Variants in NDUFA12 observed in about 807,000 individuals in gnomAD.
NDUFA12 encodes NADH dehydrogenase [ubiquinone] 1 alpha subcomplex subunit 12.
Under a neutral mutation model 20.3 loss-of-function variants are expected in NDUFA12, and 17 were observed. The ratio of observed to expected loss-of-function variants is 0.84; its 90% CI spans 0.57 to 1.26. The LOEUF (loss-of-function observed/expected upper bound fraction) is 1.26, where lower values mean the gene tolerates loss of function less well. Among genes scored for constraint, NDUFA12 ranks in the 50% most tolerant of loss-of-function variants. The pLI is 0.00. For missense variants in NDUFA12, 191 were observed against 183.7 expected (o/e 1.04, Z -0.23); for synonymous variants, 72 against 63.6 (o/e 1.13, Z -0.63).
intron 3 of NDUFA12, among the ~76,000 whole-genome samples, chr12:94,973,840 G>C (rs985956425): frequency 6.6e-6 from 1 of 151,824 alleles, no homozygotes; most frequent in Non-Finnish European, 1.5e-5. Flanking sequence ...TAAGAAATAA[G>C]GAAATGTTTA....
At chr12:94,973,120 T>C (rs1873946051) in intron 3 of NDUFA12, among the ~76,000 whole-genome samples, 1 of 152,138 alleles carries the variant, frequency 6.6e-6, no homozygotes, top group Non-Finnish European at 1.5e-5. Flanking sequence ...AGAAAAAATT[T>C]TTGTTGCTAT....
At position 94,971,639 on chromosome 12, in the gene NDUFA12, C is replaced by A. The variant is rs1396625602; in HGVS notation, c.258-19G>T. 3 of 1,614,018 alleles carry A rather than the reference C, an allele frequency of 1.9e-6. No individual in the cohort carries two copies. Among genetic ancestry groups the A allele is most frequent in the African/African-American group, 1.3e-5 (1 of 75,026 alleles). ...ACGATGCCTTAAAGAGGGGAAAAAA[C>A]CCAAACAGTTATGAAGAGGCAGTAC... is the stretch of plus-strand genomic sequence containing the variant. On this transcript the variant is annotated intron_variant, in intron 3 of 3. Transcript: ENST00000327772.
intron 3 of NDUFA12, among the ~76,000 whole-genome samples, chr12:94,993,653 A>G (rs1254694850): frequency 8.1e-5 from 9 of 111,616 alleles, no homozygotes; most frequent in Admixed American, 3.7e-4. Flanking sequence ...AAAAAAAAAA[A>G]GCCAGGCACG....
intron 3 of NDUFA12, among the ~76,000 whole-genome samples, chr12:94,992,632 A>C (rs539129178): frequency 6.6e-6 from 1 of 152,356 alleles, no homozygotes; most frequent in Admixed American, 6.5e-5. Context: ...AAGTTAGATA[A>C]GGCAATATGG....
At chr12:94,982,201 C>T (rs920335220) in intron 3 of NDUFA12, among the ~76,000 whole-genome samples, 2 of 152,160 alleles carry the variant, frequency 1.3e-5, no homozygotes, top group Non-Finnish European at 2.9e-5. Context: ...TGTTCCTCTC[C>T]CTGGGAGTCT....
At chr12:94,987,378 G>A (rs553688359) in intron 3 of NDUFA12, among the ~76,000 whole-genome samples, 1 of 152,214 alleles carries the variant, frequency 6.6e-6, no homozygotes, top group Non-Finnish European at 1.5e-5. Flanking sequence ...TGAAATGTGT[G>A]ATTGGATCTC....
At chr12:94,989,252 G>C (rs1405337402) in intron 3 of NDUFA12, among the ~76,000 whole-genome samples, 1 of 152,038 alleles carries the variant, frequency 6.6e-6, no homozygotes, top group Non-Finnish European at 1.5e-5. Flanking sequence ...TTATATAAAG[G>C]ATGTTTTTCT....
chr12:94,982,564 G>A (rs980921729), intron 3 of NDUFA12, among the ~76,000 whole-genome samples: 1 of 152,048 alleles, frequency 6.6e-6, no homozygotes, highest in Non-Finnish European at 1.5e-5. Context: ...CACCACGCCC[G>A]GCCCAGAAGC....
At chr12:94,984,135 T>C (rs1288077235) in intron 3 of NDUFA12, among the ~76,000 whole-genome samples, 1 of 152,076 alleles carries the variant, frequency 6.6e-6, no homozygotes, top group African/African-American at 2.4e-5. Context: ...AAACCAGCTA[T>C]AAATGTGGAA....
At chr12:94,979,656 C>A (rs1874173691) in intron 3 of NDUFA12, among the ~76,000 whole-genome samples, 1 of 140,510 alleles carries the variant, frequency 7.1e-6, no homozygotes, top group Non-Finnish European at 1.6e-5. Flanking sequence ...CATGGAGAAA[C>A]CCCACCCCTA....
intron 3 of NDUFA12, among the ~76,000 whole-genome samples, chr12:94,979,119 A>G (rs142843793): frequency 2.0e-5 from 3 of 152,268 alleles, no homozygotes; most frequent in East Asian, 3.9e-4. Context: ...TCCCAGCTAC[A>G]TGGGAGGCTG....
chr12:94,982,821 G>A (rs574693933), intron 3 of NDUFA12, among the ~76,000 whole-genome samples: 1 of 152,076 alleles, frequency 6.6e-6, no homozygotes, highest in Non-Finnish European at 1.5e-5. Flanking sequence ...ATCAGAGGTC[G>A]ATTTTATATT....
At chr12:94,988,599 G>C (rs1009016095) in intron 3 of NDUFA12, among the ~76,000 whole-genome samples, 17 of 152,178 alleles carry the variant, frequency 1.1e-4, no homozygotes, top group East Asian at 1.9e-4. Flanking sequence ...CTCAGGCCCA[G>C]TCCCAAGCTT....
chr12:95,002,924 G>C (rs1875111033), intron 1 of NDUFA12, 103 bp from the exon 2 acceptor site: 1 of 915,816 alleles, frequency 1.1e-6, no homozygotes, highest in African/African-American at 1.6e-5. Context: ...AAGGGCTGCT[G>C]CATCAACTAG....
chr12:94,976,827 T>C (rs555971242), intron 3 of NDUFA12, among the ~76,000 whole-genome samples: 2 of 152,352 alleles, frequency 1.3e-5, no homozygotes, highest in South Asian at 4.1e-4. Context: ...CCAAGAGTAA[T>C]ACATAGTTTA....
intron 3 of NDUFA12, among the ~76,000 whole-genome samples, chr12:94,993,708 A>T (rs1361694216): frequency 2.3e-5 from 3 of 129,576 alleles, no homozygotes; most frequent in African/African-American, 5.8e-5. Flanking sequence ...GCCGAGGTGG[A>T]TGGATCACCT....
chr12:94,985,809 G>T (rs1379423913), intron 3 of NDUFA12, among the ~76,000 whole-genome samples: 1 of 151,886 alleles, frequency 6.6e-6, no homozygotes, highest in Non-Finnish European at 1.5e-5. Context: ...AATAGGCCAG[G>T]CACAGTGGCT....
At chr12:94,983,885 C>G (rs527298729) in intron 3 of NDUFA12, among the ~76,000 whole-genome samples, 1 of 34,900 alleles carries the variant, frequency 2.9e-5, no homozygotes, top group Admixed American at 3.9e-4. Context: ...TAAGTGGGCC[C>G]GAGGAATGTA....
At chr12:94,992,814 G>C (rs933721461) in intron 3 of NDUFA12, among the ~76,000 whole-genome samples, 3 of 152,086 alleles carry the variant, frequency 2.0e-5, no homozygotes, top group Non-Finnish European at 4.4e-5. Flanking sequence ...GAGTCTTCCA[G>C]CTGAGGCTCC....
Sources: allele counts gnomAD v4.1 joint callset (sites outside exome capture counted in the v4.1 genomes callset), GRCh38; gene constraint gnomAD v4.1.1; transcripts MANE v1.5; gene names NCBI Gene and HGNC (gene_info 2026-07-23, HGNC 2026-07-21).